Variants in FHIT observed in about 807,000 individuals in gnomAD.
FHIT encodes fragile histidine triad diadenosine triphosphatase.
A neutral mutation model predicts 17.9 loss-of-function variants in FHIT; 19 were observed. That is an observed-to-expected ratio of 1.06 (90% CI 0.74 to 1.56). FHIT has a LOEUF of 1.56. FHIT is among the 40% of genes most tolerant of loss of function. The pLI, the probability that FHIT is intolerant of heterozygous loss-of-function variation, is 0.00. For missense variants in FHIT, 248 were observed against 189.2 expected, an observed-to-expected ratio of 1.31 and a Z score of -1.82; for synonymous variants, 81 against 69.7, an observed-to-expected ratio of 1.16 and a Z score of -0.81.
chr3:60,239,072 A>T (rs926052878), intron 5 of FHIT, among the ~76,000 whole-genome samples: 1 of 152,176 alleles, frequency 6.6e-6, no homozygotes, highest in African/African-American at 2.4e-5. Flanking sequence ...CATTTCAGCC[A>T]TGAGTATTTG....
chr3:60,251,230 A>G (rs534204337), intron 5 of FHIT, among the ~76,000 whole-genome samples: 2 of 152,336 alleles, frequency 1.3e-5, no homozygotes, highest in South Asian at 4.1e-4. Context: ...TTAGGTCAAT[A>G]GCACTTGAGT....
chr3:60,441,776 GTATAAAAA>G (rs1559916217), intron 5 of FHIT, among the ~76,000 whole-genome samples: 9 of 40,476 alleles, frequency 2.2e-4, no homozygotes, highest in African/African-American at 5.4e-4. Context: ...ATATTTATAT[GTATAAAAA>G]TATATATATA....
intron 5 of FHIT, among the ~76,000 whole-genome samples, chr3:60,125,888 C>T (rs1437859804): frequency 6.6e-6 from 1 of 152,110 alleles, no homozygotes; most frequent in Non-Finnish European, 1.5e-5. Context: ...GTTATTCATT[C>T]AGAACAGTTT....
At chr3:61,096,395 AG>A (rs974915239) in intron 2 of FHIT, among the ~76,000 whole-genome samples, 2 of 152,188 alleles carry the variant, frequency 1.3e-5, no homozygotes, top group Non-Finnish European at 2.9e-5. Flanking sequence ...ACCAATTTTG[AG>A]CATATGAACT....
chr3:60,082,552 C>T (rs1015367686), intron 5 of FHIT, among the ~76,000 whole-genome samples: 5 of 152,144 alleles, frequency 3.3e-5, no homozygotes, highest in African/African-American at 1.2e-4. Flanking sequence ...AACCTCCCAA[C>T]TGCTTTCCAC....
chr3:60,348,356 G>A (rs1232216884), intron 5 of FHIT, among the ~76,000 whole-genome samples: 3 of 151,822 alleles, frequency 2.0e-5, no homozygotes, highest in Non-Finnish European at 1.5e-5. Flanking sequence ...GTTCAATAAT[G>A]TTGAAATCTT....
At chr3:60,153,849 G>C (rs1700571071) in intron 5 of FHIT, among the ~76,000 whole-genome samples, 1 of 152,108 alleles carries the variant, frequency 6.6e-6, no homozygotes, top group Non-Finnish European at 1.5e-5. Flanking sequence ...CCATTCAACA[G>C]CTATTCACTA....
intron 5 of FHIT, among the ~76,000 whole-genome samples, chr3:60,029,839 T>C (rs1314441971): frequency 6.6e-6 from 1 of 150,718 alleles, no homozygotes; most frequent in Non-Finnish European, 1.5e-5. Flanking sequence ...CAGAAAGAGG[T>C]TGGACAGGCA....
intron 2 of FHIT, among the ~76,000 whole-genome samples, chr3:61,161,891 A>G (rs2037706154): frequency 6.6e-6 from 1 of 152,230 alleles, no homozygotes; most frequent in Non-Finnish European, 1.5e-5. Flanking sequence ...GTCTCCTTGT[A>G]CAATACGACC....
chr3:60,845,630 G>T (rs1324846561), intron 3 of FHIT, among the ~76,000 whole-genome samples: 1 of 152,010 alleles, frequency 6.6e-6, no homozygotes, highest in East Asian at 1.9e-4. Flanking sequence ...AATTTATTTA[G>T]GTTATACAAA....
At chr3:60,861,359 G>A (rs573631498) in intron 3 of FHIT, among the ~76,000 whole-genome samples, 3 of 143,858 alleles carry the variant, frequency 2.1e-5, no homozygotes, top group South Asian at 2.2e-4. Context: ...TCTCAGCCTG[G>A]GCACTACTGA....
At chr3:61,116,203 C>T (rs1460459514) in intron 2 of FHIT, among the ~76,000 whole-genome samples, 1 of 151,586 alleles carries the variant, frequency 6.6e-6, no homozygotes, top group African/African-American at 2.4e-5. Flanking sequence ...TTAAGTTTCC[C>T]TCTGTAAATG....
At chr3:60,571,335 C>CAAAAAAAAAAAAAA (rs56094072) in intron 4 of FHIT, among the ~76,000 whole-genome samples, 35 of 54,670 alleles carry the variant, frequency 6.4e-4, no homozygotes, top group South Asian at 1.5e-3. Flanking sequence ...GACTCCATCG[C>CAAAAAAAAAAAAAA]AAAAAAAAAA....
At chr3:60,452,474 T>C (rs551766703) in intron 5 of FHIT, among the ~76,000 whole-genome samples, 8 of 152,302 alleles carry the variant, frequency 5.3e-5, no homozygotes, top group Admixed American at 2.6e-4. Context: ...ATCACCGTTA[T>C]AGTCAAAAGA....
intron 5 of FHIT, among the ~76,000 whole-genome samples, chr3:60,187,684 C>T (rs1225499896): frequency 6.6e-6 from 1 of 152,110 alleles, no homozygotes; most frequent in East Asian, 1.9e-4. Context: ...GATTTATTGT[C>T]CTATTTCAAT....
intron 5 of FHIT, among the ~76,000 whole-genome samples, chr3:60,421,778 A>G (rs1702477638): frequency 6.6e-6 from 1 of 152,052 alleles, no homozygotes; most frequent in Admixed American, 6.6e-5. Flanking sequence ...TTGAAACAGG[A>G]CATTCTGTTC....
At chr3:59,765,731 A>G (rs1027990301) in intron 8 of FHIT, among the ~76,000 whole-genome samples, 1 of 152,206 alleles carries the variant, frequency 6.6e-6, no homozygotes, top group African/African-American at 2.4e-5. Flanking sequence ...ACTGCCAGGT[A>G]TATTACCAAG....
chr3:60,547,848 G>T (rs768907373), intron 4 of FHIT, among the ~76,000 whole-genome samples: 2 of 152,102 alleles, frequency 1.3e-5, no homozygotes, highest in African/African-American at 2.4e-5. Flanking sequence ...GTAGAGTAAG[G>T]TTCAGTGACA....
chr3:61,187,512 C>T (rs145411432), intron 2 of FHIT, among the ~76,000 whole-genome samples: 5 of 152,214 alleles, frequency 3.3e-5, no homozygotes, highest in African/African-American at 1.2e-4. Flanking sequence ...GTCAACATCA[C>T]ACAGATCAAC....
Sources: allele counts gnomAD v4.1 joint callset (sites outside exome capture counted in the v4.1 genomes callset), GRCh38; gene constraint gnomAD v4.1.1; transcripts MANE v1.5; gene names NCBI Gene and HGNC (gene_info 2026-07-23, HGNC 2026-07-21).